LRRC17: variants seen among roughly 807,000 people sequenced by gnomAD.
LRRC17 encodes leucine rich repeat containing 17.
A neutral mutation model predicts 41.5 loss-of-function variants in LRRC17; 33 were observed. The observed-to-expected ratio is 0.80, with a 90% CI of 0.60 to 1.06. The LOEUF is 1.06. Among genes scored for constraint, LRRC17 ranks in the 50% least tolerant of loss-of-function variants. The pLI is 0.00. For synonymous variants in LRRC17, 192 were observed against 197.0 expected (o/e 0.97, Z 0.21); for missense variants, 491 against 519.3 (o/e 0.95, Z 0.53).
chr7:102,934,768 T>G (rs1258233460), intron 2 of LRRC17, 83 bp downstream of exon 2: 1 of 1,217,806 alleles, frequency 8.2e-7, no homozygotes, highest in Non-Finnish European at 1.1e-6. Flanking sequence ...CATCCCACCA[T>G]GTCTTGGAAT....
In LRRC17 at chr7:102,934,400, A is replaced by C. The variant is rs1195418294; in HGVS notation, c.487A>C (p.Asn163His). The change falls in exon 2 of 4, where the codon AAC (asparagine) becomes CAC (histidine). Residue 163 changes from asparagine to histidine, a missense_variant. Transcript: ENST00000339431. Reference sequence around the variant, plus strand: ...CTTGAGCTACCTGCGTCTTTATGACAACCCCTGGCACTGTACTTGTGAGAT... The same window carrying C: ...CTTGAGCTACCTGCGTCTTTATGACCACCCCTGGCACTGTACTTGTGAGAT... ...PLLSYLRLYD[N>H]PWHCTCEIET... is the part of the protein sequence containing the mutation. 2 of 1,614,204 alleles carry C rather than the reference A, an allele frequency of 1.2e-6. No individual in the cohort carries two copies. The highest frequency in any genetic ancestry group is 4.5e-5 in the East Asian group (2 of 44,884).
intron 2 of LRRC17, among the ~76,000 whole-genome samples, chr7:102,938,051 C>A (rs1201167337): frequency 1.3e-5 from 2 of 152,138 alleles, no homozygotes; most frequent in Admixed American, 1.3e-4. Flanking sequence ...GAAATAATAG[C>A]TTTATTCACT....
rs555634417 is a variant in LRRC17, at chr7:102,926,291, C to T, written c.-140-7483C>T. The stretch of plus-strand genomic sequence containing the variant: ...AACATTACCTCGGCAGGAGTCGCAT[C>T]GTCCTGTTGGTGATAGTTGTGTTAG... On this transcript the variant is annotated intron_variant, in intron 1 of 3. Transcript: ENST00000339431. 14 of 1,613,566 alleles carry T rather than the reference C, an allele frequency of 8.7e-6. No homozygotes were observed. The African/African-American group carries it at 9.3e-5, about 11-fold the overall frequency.
intron 2 of LRRC17, among the ~76,000 whole-genome samples, chr7:102,937,635 T>C (rs192042017): frequency 2.7e-4 from 41 of 152,332 alleles, no homozygotes; most frequent in Admixed American, 8.5e-4. Flanking sequence ...GTTATATTGC[T>C]GATTCCCATA....
chr7:102,916,320 A>T (rs1815866028), intron 1 of LRRC17, among the ~76,000 whole-genome samples: 1 of 152,144 alleles, frequency 6.6e-6, no homozygotes, highest in Non-Finnish European at 1.5e-5. Flanking sequence ...ATTAAAATTC[A>T]TGGAGCTCCT....
At chr7:102,935,515 C>T (rs1820150287) in intron 2 of LRRC17, among the ~76,000 whole-genome samples, 1 of 152,100 alleles carries the variant, frequency 6.6e-6, no homozygotes, top group South Asian at 2.1e-4. Context: ...GGAAATCTTT[C>T]TAGAATATTA....
intron 1 of LRRC17, among the ~76,000 whole-genome samples, chr7:102,916,460 A>T (rs1156802422): frequency 1.3e-5 from 2 of 152,172 alleles, no homozygotes; most frequent in Non-Finnish European, 2.9e-5. Context: ...CTCTTTTCAC[A>T]GTGGAACCTC....
At chr7:102,930,830 A>G (rs1231915668) in intron 1 of LRRC17, among the ~76,000 whole-genome samples, 1 of 152,214 alleles carries the variant, frequency 6.6e-6, no homozygotes, top group Non-Finnish European at 1.5e-5. Context: ...CCAAGATGGA[A>G]TCTCAATTCT....
chr7:102,941,710 T>C (rs1821478899), intron 3 of LRRC17, among the ~76,000 whole-genome samples: 1 of 151,240 alleles, frequency 6.6e-6, no homozygotes. Context: ...AACTGTAGTT[T>C]ACCAACTATC....
At chr7:102,943,564 G>A (rs1821885726) in intron 3 of LRRC17, among the ~76,000 whole-genome samples, 1 of 152,088 alleles carries the variant, frequency 6.6e-6, no homozygotes, top group Admixed American at 6.6e-5. Context: ...TATTGACTAA[G>A]CATTAAACCA....
intron 1 of LRRC17, among the ~76,000 whole-genome samples, chr7:102,915,793 T>A (rs1815735148): frequency 6.6e-6 from 1 of 152,160 alleles, no homozygotes; most frequent in African/African-American, 2.4e-5. Flanking sequence ...TTAAGTAAGA[T>A]TTTGTGGCAG....
intron 1 of LRRC17, among the ~76,000 whole-genome samples, chr7:102,924,908 C>T (rs534882988): frequency 3.9e-5 from 6 of 152,184 alleles, no homozygotes; most frequent in Non-Finnish European, 7.4e-5. Context: ...GGATTACAGG[C>T]GTGAGCCACC....
intron 1 of LRRC17, 176 bp downstream of exon 1, chr7:102,913,321 T>G: frequency 2.2e-6 from 3 of 1,387,806 alleles, no homozygotes; most frequent in Non-Finnish European, 9.9e-7. Context: ...CTCTTCTTCT[T>G]GCAGATGTTC....
chr7:102,942,408 GC>G, intron 3 of LRRC17: 2 of 1,361,414 alleles, frequency 1.5e-6, no homozygotes, highest in Non-Finnish European at 2.0e-6. Flanking sequence ...CATATAAAAT[GC>G]CAGACATTGT....
At chr7:102,933,173 C>T (rs920347133) in intron 1 of LRRC17, 1 of 151,954 alleles carries the variant, frequency 6.6e-6, no homozygotes, top group Non-Finnish European at 1.5e-5. Flanking sequence ...GAAAAGGTAA[C>T]ATTTGAGCCA....
chr7:102,915,120 A>ATT lies in LRRC17; in HGVS notation c.-141+1976_-141+1977insTT, dbSNP rs1160559115. Among the ~76,000 whole-genome samples the ATT allele has an allele frequency of 5.9e-4, 83 of 139,546 alleles. No homozygotes were observed. The East Asian group carries it at 0.015, about 25-fold the overall frequency. The allele number at this position is 139,546 out of a possible 152,430, so 91.5% of individuals were successfully genotyped here. A position where few individuals can be genotyped will look rare whatever the true frequency, so the allele number is the denominator to read the frequency against. On this transcript the variant is annotated intron_variant, in intron 1 of 3. Transcript: ENST00000339431. ...TCTCATTTGTTAAGTGGAGATTAAA[A>ATT]TATTTTTTTTTTTTTTTTTTTTACA...
At chr7:102,936,908 C>T (rs1395906600) in intron 2 of LRRC17, among the ~76,000 whole-genome samples, 1 of 146,618 alleles carries the variant, frequency 6.8e-6, no homozygotes, top group Non-Finnish European at 1.5e-5. Context: ...CCTATTTCTG[C>T]TTTTGTGTTT....
At chr7:102,930,800 A>G (rs893339440) in intron 1 of LRRC17, among the ~76,000 whole-genome samples, 2 of 152,148 alleles carry the variant, frequency 1.3e-5, no homozygotes, top group African/African-American at 4.8e-5. Context: ...GTTAATTATG[A>G]CTTATACATA....
Position 102,934,700 on chromosome 7 carries a change from T to A in LRRC17, c.772+15T>A. 6.4e-7 allele frequency: 1 copy of A among 1,558,200 alleles called. No homozygotes were observed. Among genetic ancestry groups the A allele is most frequent in the Non-Finnish European group, 8.6e-7 (1 of 1,157,314 alleles). The stretch of plus-strand genomic sequence containing the variant: ...CAAAAGGAAAGGTTTGTACTTTTCT[T>A]ACTTTTTCATTTTCATGAATAACTT... On this transcript the variant is annotated intron_variant, in intron 2 of 3. Coordinates refer to ENST00000339431, the MANE Select transcript of LRRC17 (RefSeq NM_001031692.3).
Sources: gnomAD v4.1 joint callset for allele counts (sites outside exome capture counted in the v4.1 genomes callset) on GRCh38, gnomAD v4.1.1 for gene constraint, MANE v1.5 for transcripts, NCBI Gene and HGNC (gene_info 2026-07-23, HGNC 2026-07-21) for gene names.